TBC1D2B: variants seen among roughly 807,000 people sequenced by gnomAD.
TBC1D2B encodes TBC1 domain family, member 2B.
In TBC1D2B, 64 loss-of-function variants were observed where a neutral mutation model predicts 100.8. That is an observed-to-expected ratio of 0.64 (90% CI 0.52 to 0.78). The LOEUF (loss-of-function observed/expected upper bound fraction) is 0.78, where lower values mean the gene tolerates loss of function less well. Among genes scored for constraint, TBC1D2B ranks in the 30% least tolerant of loss-of-function variants. The probability of loss-of-function intolerance (pLI) is 0.00; values close to 1 mark genes in which losing one functional copy is unlikely to be tolerated. For missense variants in TBC1D2B, 1,052 were observed against 1,218.4 expected (o/e 0.86, Z 2.03); for synonymous variants, 480 against 479.7 (o/e 1.00, Z -0.01).
intron 3 of TBC1D2B, among the ~76,000 whole-genome samples, chr15:78,039,437 G>T (rs1453043723): frequency 6.6e-6 from 1 of 152,190 alleles, no homozygotes; most frequent in Non-Finnish European, 1.5e-5. Flanking sequence ...CAAAAACAAA[G>T]GATCAGAGCG....
At chr15:78,040,692 AGGGGGGG>A (rs2073058684) in intron 3 of TBC1D2B, among the ~76,000 whole-genome samples, 1 of 105,472 alleles carries the variant, frequency 9.5e-6, no homozygotes, top group African/African-American at 3.6e-5. Flanking sequence ...AAAGAAAGAA[AGGGGGGG>A]AGGGAGGGAG....
intron 2 of TBC1D2B, among the ~76,000 whole-genome samples, chr15:78,052,573 G>A (rs566913334): frequency 2.0e-5 from 3 of 152,312 alleles, no homozygotes; most frequent in Admixed American, 1.3e-4. Context: ...GGCTTAGAAG[G>A]AGGAAGGACA....
At chr15:78,030,241 G>C in intron 3 of TBC1D2B, 71 bp from the exon 4 acceptor site, 1 of 1,343,086 alleles carries the variant, frequency 7.4e-7, no homozygotes. Flanking sequence ...ATGTATATAG[G>C]ATTGGCAAAA....
intron 1 of TBC1D2B, among the ~76,000 whole-genome samples, chr15:78,075,175 C>T (rs941955867): frequency 6.6e-6 from 1 of 152,000 alleles, no homozygotes; most frequent in Non-Finnish European, 1.5e-5. Flanking sequence ...TGTAACCCTG[C>T]TTATGTAGAT....
rs938084638 is a variant in TBC1D2B at position 78,051,137 on chromosome 15, T to C, written c.514+2897A>G. ...CTTCAGTGGCACTAGTGAGTAGCTATGCCAGCCACAAACTGCTTATCATGT... is the reference window on the plus strand; with the variant it reads ...CTTCAGTGGCACTAGTGAGTAGCTACGCCAGCCACAAACTGCTTATCATGT... On this transcript the variant is annotated intron_variant, in intron 2 of 12. Coordinates refer to ENST00000300584, the MANE Select transcript of TBC1D2B (RefSeq NM_144572.2). Among the ~76,000 whole-genome samples the C allele has an allele frequency of 5.3e-5, 8 of 152,344 alleles. 1 individual carries two copies. The highest frequency in any genetic ancestry group is 5.2e-4 in the Admixed American group (8 of 15,304).
At chr15:78,059,476 G>C (rs2073497716) in intron 1 of TBC1D2B, among the ~76,000 whole-genome samples, 1 of 152,204 alleles carries the variant, frequency 6.6e-6, no homozygotes, top group Non-Finnish European at 1.5e-5. Flanking sequence ...TCCTGGGTGA[G>C]GGAGAGGGGC....
At chr15:78,034,406 A>G in intron 3 of TBC1D2B, 1 of 804,468 alleles carries the variant, frequency 1.2e-6, no homozygotes. Flanking sequence ...CAAGGATCTC[A>G]CAGGAGCCTT....
chr15:78,017,057 G>A (rs764698744), intron 7 of TBC1D2B: 24 of 233,150 alleles, frequency 1.0e-4, no homozygotes, highest in Middle Eastern at 1.4e-3. Context: ...GGTCCAGCTC[G>A]GTGCCATCTG....
chr15:78,023,427 T>C (rs2141690514), intron 6 of TBC1D2B, among the ~76,000 whole-genome samples: 1 of 152,324 alleles, frequency 6.6e-6, no homozygotes, highest in East Asian at 1.9e-4. Context: ...GCCTCCCCTC[T>C]GAATCATTAG....
At chr15:78,005,044 G>C (rs1019378792) in intron 10 of TBC1D2B, among the ~76,000 whole-genome samples, 3 of 152,252 alleles carry the variant, frequency 2.0e-5, no homozygotes, top group Non-Finnish European at 2.9e-5. Context: ...TCAGCCTGGA[G>C]TATCCAGCTG....
chr15:78,013,327 A>G lies in TBC1D2B; in HGVS notation c.1776-10T>C, dbSNP rs1475772423. On this transcript the variant is annotated splice_polypyrimidine_tract_variant and intron_variant, in intron 8 of 12. Coordinates refer to ENST00000300584, the MANE Select transcript of TBC1D2B (RefSeq NM_144572.2). ...ATAAATATCATATTCACTGTTGATA[A>G]AAACAAAAGGAAAAATTAAAATGAC... 7.0e-6 allele frequency: 11 copies of G among 1,568,192 alleles called. No individual in the cohort carries two copies. The highest frequency in any genetic ancestry group is 9.5e-6 in the Non-Finnish European group (11 of 1,156,594).
intron 5 of TBC1D2B, 48 bp downstream of exon 5, chr15:78,025,211 C>A: frequency 6.5e-7 from 1 of 1,547,632 alleles, no homozygotes; most frequent in East Asian, 2.3e-5. Flanking sequence ...TCCTCCCGTC[C>A]TTGGCCTGCT....
chr15:78,059,479 A>C (rs1268286456), intron 1 of TBC1D2B, among the ~76,000 whole-genome samples: 1 of 152,160 alleles, frequency 6.6e-6, no homozygotes, highest in African/African-American at 2.4e-5. Flanking sequence ...TGGGTGAGGG[A>C]GAGGGGCAGA....
intron 1 of TBC1D2B, among the ~76,000 whole-genome samples, chr15:78,066,779 G>A (rs1017696097): frequency 2.0e-5 from 3 of 152,212 alleles, no homozygotes; most frequent in African/African-American, 7.2e-5. Context: ...ACAGCCATCT[G>A]CCAACTGCCT....
At position 78,025,225 on chromosome 15, in the gene TBC1D2B, G is replaced by T; in HGVS notation, c.1086+34C>A. On this transcript the variant is annotated intron_variant, in intron 5 of 12. Coordinates refer to ENST00000300584, the MANE Select transcript of TBC1D2B (RefSeq NM_144572.2). ...CTCCTCCCGTCCTTGGCCTGCTGAGGTGGGGTAAGACAGAAGCCAGAAGAA... is the reference window on the plus strand; with the variant it reads ...CTCCTCCCGTCCTTGGCCTGCTGAGTTGGGGTAAGACAGAAGCCAGAAGAA... The T allele has an allele frequency of 2.5e-6, 4 of 1,584,000 alleles. No homozygotes were observed. The South Asian group carries it at 4.4e-5, about 18-fold the overall frequency.
At chr15:78,016,409 G>T in intron 8 of TBC1D2B, 137 bp downstream of exon 8, 1 of 769,840 alleles carries the variant, frequency 1.3e-6, no homozygotes, top group Non-Finnish European at 2.1e-6. Flanking sequence ...TTACCGTTCT[G>T]CTGACCTGAC....
intron 12 of TBC1D2B, among the ~76,000 whole-genome samples, chr15:77,999,581 C>T (rs1392942948): frequency 6.6e-6 from 1 of 152,188 alleles, no homozygotes; most frequent in Non-Finnish European, 1.5e-5. Flanking sequence ...AGGCTGCCAG[C>T]CCCAGCAGGC....
chr15:78,077,508 G>T lies in TBC1D2B; in HGVS notation c.145C>A (p.Pro49Thr). 6.5e-7 allele frequency: 1 copy of T among 1,530,504 alleles called. No individual in the cohort carries two copies. The highest frequency in any genetic ancestry group is 8.8e-7 in the Non-Finnish European group (1 of 1,138,944). The allele number at this position is 1,530,504 out of a possible 1,614,324, so 94.8% of individuals were successfully genotyped here. A position where few individuals can be genotyped will look rare whatever the true frequency, so the allele number is the denominator to read the frequency against. ...GYLQKLSGKG[P>T]LRGYRSRWFV... is the part of the protein sequence containing the mutation. ...CAGCGGCTGCGGTAGCCACGCAGGGGGCCCTTGCCCGACAGCTTCTGCAGA... is the reference window on the plus strand; with the variant it reads ...CAGCGGCTGCGGTAGCCACGCAGGGTGCCCTTGCCCGACAGCTTCTGCAGA... Residue 49 changes from proline to threonine, a missense_variant, in exon 1 of 13, where the codon CCC becomes ACC. Physicochemically the swap from Pro to Thr is conservative, Grantham distance 38 (BLOSUM62 -1). Transcript: ENST00000300584.
chr15:78,012,760 G>A (rs1457355082), intron 9 of TBC1D2B, 63 bp downstream of exon 9: 2 of 1,387,140 alleles, frequency 1.4e-6, no homozygotes, highest in Non-Finnish European at 1.9e-6. Flanking sequence ...GGAGCTGCCA[G>A]GCAGCACCGG....
Sources: allele counts gnomAD v4.1 joint callset (sites outside exome capture counted in the v4.1 genomes callset), GRCh38; gene constraint gnomAD v4.1.1; transcripts MANE v1.5; gene names NCBI Gene and HGNC (gene_info 2026-07-23, HGNC 2026-07-21).